DLGAP4: variants seen among roughly 807,000 people sequenced by gnomAD.
DLGAP4 encodes disks large-associated protein 4.
DLGAP4 carries 18 observed loss-of-function variants against 86.9 expected under a neutral mutation model. The ratio of observed to expected loss-of-function variants is 0.21; its 90% CI spans 0.14 to 0.31. The LOEUF is 0.31. Ranked by LOEUF, DLGAP4 falls within the 10% of genes least tolerant of loss-of-function variation. The pLI, the probability that DLGAP4 is intolerant of heterozygous loss-of-function variation, is 1.00. For synonymous variants in DLGAP4, 548 were observed against 574.3 expected, an observed-to-expected ratio of 0.95 and a Z score of 0.65; for missense variants, 1,085 against 1,362.6, an observed-to-expected ratio of 0.80 and a Z score of 3.21.
At chr20:36,340,313 G>A (rs1176502584) in intron 1 of DLGAP4, among the ~76,000 whole-genome samples, 1 of 152,072 alleles carries the variant, frequency 6.6e-6, no homozygotes, top group African/African-American at 2.4e-5. Flanking sequence ...GGATGTCCTT[G>A]GGATGCCCAT....
At chr20:36,368,900 G>C (rs1400711713) in intron 2 of DLGAP4, among the ~76,000 whole-genome samples, 1 of 152,168 alleles carries the variant, frequency 6.6e-6, no homozygotes, top group Non-Finnish European at 1.5e-5. Context: ...TTAGGGGTGA[G>C]GGCTCATCTG....
intron 1 of DLGAP4, among the ~76,000 whole-genome samples, chr20:36,351,941 G>A (rs1446609516): frequency 6.6e-6 from 1 of 152,158 alleles, no homozygotes; most frequent in Non-Finnish European, 1.5e-5. Context: ...GCCGGGTGGT[G>A]TGAGTGCTAA....
intron 1 of DLGAP4, among the ~76,000 whole-genome samples, chr20:36,334,419 G>A (rs551306897): frequency 4.5e-4 from 69 of 152,276 alleles, no homozygotes; most frequent in African/African-American, 1.5e-3. Context: ...CCTGAGGGCC[G>A]GGGAAAGGAG....
At position 36,508,419 on chromosome 20, in the gene DLGAP4, G is replaced by GTTTTTTTTTTTTTTTTT. The variant is rs1569523131; in HGVS notation, c.2512+7810_2512+7811insTTTTTTTTTTTTTTTTT. ...ACCATTTTCCTACTGATGTTTCAGG[G>GTTTTTTTTTTTTTTTTT]TTCTTTTTTTTTTTTTTTTTTTTTT... On this transcript the variant is annotated intron_variant, in intron 10 of 12. Transcript: ENST00000339266. The GTTTTTTTTTTTTTTTTT allele has an allele frequency of 5.1e-4, 68 of 134,596 alleles. 3 individuals carry two copies. Among genetic ancestry groups the GTTTTTTTTTTTTTTTTT allele is most frequent in the African/African-American group, 2.0e-3 (67 of 33,592 alleles). 8.3% of individuals were successfully genotyped at this position (134,596 alleles called of 1,614,324 possible).
intron 7 of DLGAP4, among the ~76,000 whole-genome samples, chr20:36,448,906 C>G (rs986403259): frequency 1.3e-5 from 2 of 152,026 alleles, no homozygotes; most frequent in African/African-American, 4.8e-5. Flanking sequence ...TGCGCTCCAG[C>G]CTGGGTGACA....
chr20:36,339,556 A>T (rs1321050149), intron 1 of DLGAP4, among the ~76,000 whole-genome samples: 7 of 152,138 alleles, frequency 4.6e-5, no homozygotes, highest in South Asian at 4.2e-4. Context: ...AATGTTTTTT[A>T]AAAAAATTTT....
At chr20:36,333,956 C>G (rs2065295628) in intron 1 of DLGAP4, among the ~76,000 whole-genome samples, 1 of 152,276 alleles carries the variant, frequency 6.6e-6, no homozygotes, top group Non-Finnish European at 1.5e-5. Context: ...TGGAAAGCCA[C>G]TGTCCCCACC....
chr20:36,324,042 T>A (rs1331118850), intron 1 of DLGAP4, among the ~76,000 whole-genome samples: 1 of 152,220 alleles, frequency 6.6e-6, no homozygotes, highest in Non-Finnish European at 1.5e-5. Flanking sequence ...CTATTTTTTT[T>A]CTTTGGGTGT....
At chr20:36,427,431 C>T (rs909939267) in intron 2 of DLGAP4, among the ~76,000 whole-genome samples, 14 of 150,798 alleles carry the variant, frequency 9.3e-5, no homozygotes, top group Non-Finnish European at 1.8e-4. Flanking sequence ...TGAGCTGAGA[C>T]CACACCATTG....
chr20:36,364,237 C>A (rs2030612605), intron 1 of DLGAP4, among the ~76,000 whole-genome samples: 1 of 151,904 alleles, frequency 6.6e-6, no homozygotes, highest in Non-Finnish European at 1.5e-5. Flanking sequence ...ATAATGAGAT[C>A]CCCATCTCTA....
chr20:36,334,029 A>G (rs2065296456), intron 1 of DLGAP4, among the ~76,000 whole-genome samples: 1 of 152,190 alleles, frequency 6.6e-6, no homozygotes, highest in Non-Finnish European at 1.5e-5. Flanking sequence ...GTGGACAGCA[A>G]GGATGTCGTG....
intron 1 of DLGAP4, among the ~76,000 whole-genome samples, chr20:36,357,271 C>T (rs991450974): frequency 2.6e-5 from 4 of 152,184 alleles, no homozygotes; most frequent in Admixed American, 6.5e-5. Context: ...TCCCTCTTCC[C>T]GCCTTTTGTA....
chr20:36,469,200 C>T (rs1182027990), intron 7 of DLGAP4, among the ~76,000 whole-genome samples: 1 of 152,072 alleles, frequency 6.6e-6, no homozygotes, highest in Non-Finnish European at 1.5e-5. Flanking sequence ...AGTGAGCTGG[C>T]CCTGGGGAAA....
intron 10 of DLGAP4, among the ~76,000 whole-genome samples, chr20:36,503,468 C>A (rs550065941): frequency 6.7e-6 from 1 of 148,766 alleles, no homozygotes; most frequent in East Asian, 2.0e-4. Flanking sequence ...CAGAATCATA[C>A]CATATATGGC....
chr20:36,462,267 C>T (rs2034119595), intron 7 of DLGAP4: 1 of 1,280,374 alleles, frequency 7.8e-7, no homozygotes. Flanking sequence ...TGGTTTGTCC[C>T]CTGTCGCTGT....
At chr20:36,327,616 G>C (rs1478529174) in intron 1 of DLGAP4, among the ~76,000 whole-genome samples, 1 of 142,042 alleles carries the variant, frequency 7.0e-6, no homozygotes, top group Admixed American at 7.0e-5. Context: ...TTTTGAGACG[G>C]AGTCTCGCTC....
At chr20:36,345,021 T>G (rs1441248743) in intron 1 of DLGAP4, among the ~76,000 whole-genome samples, 1 of 152,204 alleles carries the variant, frequency 6.6e-6, no homozygotes, top group Non-Finnish European at 1.5e-5. Flanking sequence ...CTTCAGGAAC[T>G]TGGGCTTGGG....
chr20:36,392,919 A>T (rs984612239), intron 2 of DLGAP4, among the ~76,000 whole-genome samples: 1 of 152,062 alleles, frequency 6.6e-6, no homozygotes, highest in Non-Finnish European at 1.5e-5. Context: ...ACTTGGGCTG[A>T]GCCCTGAATG....
intron 1 of DLGAP4, among the ~76,000 whole-genome samples, chr20:36,335,042 T>C (rs75738097): frequency 0.02 from 3,084 of 152,258 alleles, 126 homozygotes; most frequent in African/African-American, 0.071. Flanking sequence ...TGAAAAGGCC[T>C]TTTAATTAAA....
Sources: allele counts gnomAD v4.1 joint callset (sites outside exome capture counted in the v4.1 genomes callset), GRCh38; gene constraint gnomAD v4.1.1; transcripts MANE v1.5; gene names NCBI Gene and HGNC (gene_info 2026-07-23, HGNC 2026-07-21).